Variants in SPDEF observed in about 807,000 individuals in gnomAD.
SPDEF encodes the protein SAM pointed domain containing ETS transcription factor.
In SPDEF, 12 loss-of-function variants were observed where a neutral mutation model predicts 36.0. That is an observed-to-expected ratio of 0.33 (90% CI 0.21 to 0.54). The LOEUF is 0.54. SPDEF is among the 20% of genes least tolerant of loss of function. The pLI, the probability that SPDEF is intolerant of heterozygous loss-of-function variation, is 0.93. For missense variants in SPDEF, 388 were observed against 456.9 expected, an observed-to-expected ratio of 0.85 and a Z score of 1.37; for synonymous variants, 205 against 193.0, an observed-to-expected ratio of 1.06 and a Z score of -0.51.
At position 34,544,397 on chromosome 6, in the gene SPDEF, G is replaced by T; in HGVS notation, c.59C>A (p.Pro20His). Reference sequence around the variant, plus strand: ...CAAGCCTGTCCGCGACACCGTGTCGGGGGGCAGCAGGAGGTGGCTGGGGGA... The same window carrying T: ...CAAGCCTGTCCGCGACACCGTGTCGTGGGGCAGCAGGAGGTGGCTGGGGGA... ...SVSPSHLLLP[P>H]DTVSRTGLEK... The change falls in exon 2 of 6, where the codon CCC becomes CAC. Residue 20 changes from proline to histidine, a missense_variant. Around this residue, in one of 2 missense-constraint regions of SPDEF, gnomAD observed 308 missense variants for 326.1 expected, o/e 0.94. Coordinates refer to ENST00000374037, the MANE Select transcript of SPDEF (RefSeq NM_012391.3). The surrounding 1 kb of genome is among the most constrained non-coding windows in gnomAD (Gnocchi z 4.4). 1 of 1,590,340 alleles carries T rather than the reference G, an allele frequency of 6.3e-7. No individual in the cohort carries two copies.
intron 1 of SPDEF, among the ~76,000 whole-genome samples, chr6:34,547,013 C>A (rs1202453088): frequency 6.7e-6 from 1 of 149,956 alleles, no homozygotes; most frequent in Non-Finnish European, 1.5e-5. Flanking sequence ...CAGCCCCCCA[C>A]CCCTCCTTCA....
chr6:34,544,124 C>T lies in SPDEF; in HGVS notation c.332G>A (p.Gly111Glu). The change falls in exon 2 of 6, where the codon GGG becomes GAG. Residue 111 changes from glycine to glutamate, a missense_variant. Physicochemically the swap from Gly to Glu is moderately conservative, Grantham distance 98. Transcript: ENST00000374037. The surrounding 1 kb of genome is among the most constrained non-coding windows in gnomAD (Gnocchi z 4.4). ...PAGSLDLVPG[G>E]LTLEEHSLEQ... ...CAGCGAGTGCTCCTCCAAGGTCAGC[C>T]CGCCGGGCACCAAGTCCAGGCTGCC... 1 of 1,613,826 alleles carries T rather than the reference C, an allele frequency of 6.2e-7. No individual in the cohort carries two copies. Among genetic ancestry groups the T allele is most frequent in the Non-Finnish European group, 8.5e-7 (1 of 1,179,924 alleles).
chr6:34,542,278 A>T (rs1298150835), intron 2 of SPDEF, among the ~76,000 whole-genome samples: 1 of 152,220 alleles, frequency 6.6e-6, no homozygotes, highest in Non-Finnish European at 1.5e-5. Flanking sequence ...CAGGGCCTGA[A>T]GATGAGGGAC....
chr6:34,539,147 TC>T lies in SPDEF; in HGVS notation c.829+102del. 2 of 1,374,254 alleles carry T rather than the reference TC, an allele frequency of 1.5e-6. No individual in the cohort carries two copies. The highest frequency in any genetic ancestry group is 2.0e-6 in the Non-Finnish European group (2 of 996,462). 85.1% of individuals were successfully genotyped at this position (1,374,254 alleles called of 1,614,324 possible). A position where few individuals can be genotyped will look rare whatever the true frequency, so the allele number is the denominator to read the frequency against. Reference sequence around the variant, plus strand: ...TCTAGGACAAAGGTGGGGATCAGCTTCACCCCTCTGCCCGCCCCTGCCCCCA... The same window carrying T: ...TCTAGGACAAAGGTGGGGATCAGCTTACCCCTCTGCCCGCCCCTGCCCCCA... On this transcript the variant is annotated intron_variant, in intron 5 of 5. Coordinates refer to ENST00000374037, the MANE Select transcript of SPDEF (RefSeq NM_012391.3). The surrounding 1 kb of genome is among the most constrained non-coding windows in gnomAD (Gnocchi z 5.2).
Position 34,541,010 on chromosome 6 carries a change from T to C in SPDEF, c.608A>G (p.His203Arg). Residue 203 changes from histidine (H) to arginine (R), a missense_variant, in exon 3 of 6, where the codon CAC becomes CGC. Transcript: ENST00000374037. ...TGACTTCCAGATGTCCAGGTGGGCGTGCAGCACATCCCCACCCAGGGGCGA... is the reference window on the plus strand; with the variant it reads ...TGACTTCCAGATGTCCAGGTGGGCGCGCAGCACATCCCCACCCAGGGGCGA... Reference protein sequence around the residue: ...QRSPLGGDVLHAHLDIWKSAA... With the variant: ...QRSPLGGDVLRAHLDIWKSAA... The C allele has an allele frequency of 6.2e-7, 1 of 1,611,704 alleles. No individual in the cohort carries two copies. Among genetic ancestry groups the C allele is most frequent in the Admixed American group, 1.7e-5 (1 of 59,988 alleles).
In SPDEF at chr6:34,539,280, G is replaced by A. The variant is rs370073780; in HGVS notation, c.799C>T (p.Arg267Cys). The A allele has an allele frequency of 5.6e-6, 9 of 1,613,934 alleles. No individual in the cohort carries two copies. Among genetic ancestry groups the A allele is most frequent in the African/African-American group, 1.3e-5 (1 of 75,054 alleles). ...TCCTTGTTGAGCCACCTAATGAAGCGGCCATAGCTGTGGGGCTTGAGTAGC... is the reference window on the plus strand; with the variant it reads ...TCCTTGTTGAGCCACCTAATGAAGCAGCCATAGCTGTGGGGCTTGAGTAGC... ...ELLLKPHSYG[R>C]FIRWLNKEKG... Residue 267 changes from arginine (R) to cysteine (C), a missense_variant, in exon 5 of 6, where the codon CGC (arginine) becomes TGC (cysteine). By Grantham distance (180) the Arg-to-Cys change is radical. This residue lies in a region of SPDEF where 80 missense variants were observed against 130.8 expected (regional missense o/e 0.61). Transcript: ENST00000374037. The surrounding 1 kb of genome is among the most constrained non-coding windows in gnomAD (Gnocchi z 5.2).
intron 2 of SPDEF, among the ~76,000 whole-genome samples, chr6:34,542,895 AAAAAAAAAAAAG>A (rs1236395056): frequency 6.7e-6 from 1 of 150,338 alleles, no homozygotes. Flanking sequence ...TCAAAAAAAA[AAAAAAAAAAAAG>A]AAGAGGCTGG....
intron 1 of SPDEF, among the ~76,000 whole-genome samples, chr6:34,551,532 G>A (rs1413184932): frequency 2.6e-5 from 4 of 152,146 alleles, no homozygotes; most frequent in African/African-American, 7.2e-5. Flanking sequence ...TGGATTTTAC[G>A]ATCCATGACC....
rs57030577 is a variant in SPDEF at position 34,552,250 on chromosome 6, C to T, written c.-30+3679G>A. 8.0e-3 allele frequency among the ~76,000 whole-genome samples: 1,215 copies of T among 152,304 alleles called. 15 individuals carry two copies. Among genetic ancestry groups the T allele is most frequent in the African/African-American group, 0.027 (1,126 of 41,566 alleles). On this transcript the variant is annotated intron_variant, in intron 1 of 5. Transcript: ENST00000374037. The surrounding 1 kb of genome is among the most constrained non-coding windows in gnomAD (Gnocchi z 4.6). ...CCGTACCTCCCAGCTTGCCACAGGA[C>T]AGGGGTCGTGAGGTTTCCTGGGTCT...
In SPDEF at chr6:34,541,165, G is replaced by T. The variant is rs750022965; in HGVS notation, c.453C>A (p.Ser151Arg). The change falls in exon 3 of 6, where the codon AGC becomes AGA. Residue 151 changes from serine (S) to arginine (R), a missense_variant. Physicochemically the swap from Ser to Arg is moderately radical, Grantham distance 110. Coordinates refer to ENST00000374037, the MANE Select transcript of SPDEF (RefSeq NM_012391.3). ...GGAGCCACTTCTGCACATTGCTGGG[G>T]CTCCAGTCCATGGGATCTGGGCAAG... Reference protein sequence around the residue: ...LNITADPMDWSPSNVQKWLLW... With the variant: ...LNITADPMDWRPSNVQKWLLW... 2.9e-5 allele frequency: 46 copies of T among 1,603,968 alleles called. No individual in the cohort carries two copies. The East Asian group carries it at 1.0e-3, about 36-fold the overall frequency.
intron 2 of SPDEF, among the ~76,000 whole-genome samples, chr6:34,542,127 T>C (rs746024055): frequency 5.3e-5 from 8 of 152,088 alleles, no homozygotes; most frequent in Non-Finnish European, 1.2e-4. Flanking sequence ...GCATGGGCAT[T>C]GGGAAACTTG....
At chr6:34,542,986 G>A (rs1238990569) in intron 2 of SPDEF, among the ~76,000 whole-genome samples, 1 of 151,004 alleles carries the variant, frequency 6.6e-6, no homozygotes, top group Non-Finnish European at 1.5e-5. Context: ...GAGGTCAGGA[G>A]ATCGAGACCA....
chr6:34,543,614 G>A (rs1581998998), intron 2 of SPDEF, among the ~76,000 whole-genome samples: 1 of 152,236 alleles, frequency 6.6e-6, no homozygotes, highest in East Asian at 1.9e-4. Context: ...AAGACCTGAA[G>A]GAAGTGAGTC....
rs1005990214 is a variant in SPDEF at position 34,538,402 on chromosome 6, G to A, written c.880C>T (p.Arg294Cys). The A allele has an allele frequency of 1.3e-5, 21 of 1,614,002 alleles. No homozygotes were observed. The highest frequency in any genetic ancestry group is 2.2e-5 in the East Asian group (1 of 44,888). Residue 294 changes from arginine to cysteine, a missense_variant, in exon 6 of 6, where the codon CGC (arginine) becomes TGC (cysteine). Physicochemically the swap from Arg to Cys is radical, Grantham distance 180. Around this residue, in one of 2 missense-constraint regions of SPDEF, gnomAD observed 80 missense variants for 130.8 expected, o/e 0.61. Transcript: ENST00000374037. The surrounding 1 kb of genome is among the most constrained non-coding windows in gnomAD (Gnocchi z 5.9). ...TAGTTCATGGCGGGACGGTTCTTGC[G>A]GATGCCCCACAGCCGGGCCACCTGG... ...SAQVARLWGI[R>C]KNRPAMNYDK...
intron 1 of SPDEF, among the ~76,000 whole-genome samples, chr6:34,546,907 G>GGA (rs1423217441): frequency 6.6e-6 from 1 of 152,126 alleles, no homozygotes; most frequent in Non-Finnish European, 1.5e-5. Context: ...TATTTACTCA[G>GGA]GCAGTGCCAA....
In SPDEF at chr6:34,540,906, G is replaced by A. The variant is rs563987590; in HGVS notation, c.634+78C>T. The A allele has an allele frequency of 2.2e-6, 3 of 1,392,088 alleles. No individual in the cohort carries two copies. In the South Asian group the frequency reaches 3.9e-5, roughly 18 times the overall value. The allele number at this position is 1,392,088 out of a possible 1,614,324, so 86.2% of individuals were successfully genotyped here. A position where few individuals can be genotyped will look rare whatever the true frequency, so the allele number is the denominator to read the frequency against. On this transcript the variant is annotated intron_variant, in intron 3 of 5. Transcript: ENST00000374037. ...GGGCCAAGGGGCTGCTGCCCTAGCA[G>A]AGGGCAACCTCCTAGCCAGCATCCT...
At position 34,538,968 on chromosome 6, in the gene SPDEF, T is replaced by C. The variant is rs113255065; in HGVS notation, c.829+282A>G. Among the ~76,000 whole-genome samples, 682 of 152,268 alleles carry C rather than the reference T, an allele frequency of 4.5e-3. 4 individuals are homozygous for C. The highest frequency in any genetic ancestry group is 0.016 in the African/African-American group (655 of 41,548). ...AGCCCTCTCTGGCAGGATTAATTAA[T>C]ATGAGATGGTGGAGGGAGAGTGGAT... On this transcript the variant is annotated intron_variant, in intron 5 of 5. Transcript: ENST00000374037. This position sits in a 1 kb window ranked among gnomAD's most constrained non-coding sequence, Gnocchi z 5.9.
In SPDEF at chr6:34,544,288, G is replaced by C. The variant is rs2233638; in HGVS notation, c.168C>G (p.Ser56=). The C allele has an allele frequency of 2.5e-6, 4 of 1,613,318 alleles. 1 individual carries two copies. The East Asian group carries it at 8.9e-5, about 36-fold the overall frequency. ...TGTCAAAGTAGGAGAGGTAGAAGGC[G>C]GACAGGCCCTGCTCGGGCGTGGCGG... ...SPPATPEQGL[S]AFYLSYFDML... is the part of the protein sequence containing the mutation. The change falls in exon 2 of 6, where the codon TCC becomes TCG. Residue 56 remains serine, a synonymous_variant. Coordinates refer to ENST00000374037, the MANE Select transcript of SPDEF (RefSeq NM_012391.3). The surrounding 1 kb of genome is among the most constrained non-coding windows in gnomAD (Gnocchi z 4.4).
In SPDEF at chr6:34,546,916, A is replaced by G. The variant is rs189809019; in HGVS notation, c.-29-2432T>C. On this transcript the variant is annotated intron_variant, in intron 1 of 5. Transcript: ENST00000374037. ...CCACATTATTTACTCAGGCAGTGCC[A>G]ACAGCTCGCTCTGCCCCTGGGCCCC... Among the ~76,000 whole-genome samples the G allele has an allele frequency of 2.1e-3, 327 of 152,236 alleles. 3 individuals are homozygous for G. The highest frequency in any genetic ancestry group is 7.4e-3 in the African/African-American group (307 of 41,542).
Sources: allele counts gnomAD v4.1 joint callset (sites outside exome capture counted in the v4.1 genomes callset), GRCh38; gene constraint gnomAD v4.1.1; regional missense constraint gnomAD v4.1.1; non-coding constraint Gnocchi (gnomAD v3.1); transcripts MANE v1.5; gene names NCBI Gene and HGNC (gene_info 2026-07-23, HGNC 2026-07-21).